AKR1C3: variants seen among roughly 807,000 people sequenced by gnomAD.
AKR1C3 encodes aldo-keto reductase family 1 member C3, also known as 3-alpha hydroxysteroid dehydrogenase, type II.
A neutral mutation model predicts 43.6 loss-of-function variants in AKR1C3; 48 were observed. That is an observed-to-expected ratio of 1.10 (90% CI 0.87 to 1.40). The LOEUF is 1.40. Ranked by LOEUF, AKR1C3 falls within the 40% of genes most tolerant of loss-of-function variation. AKR1C3 has a pLI of 0.00. For missense variants in AKR1C3, 482 were observed against 391.2 expected (o/e 1.23, Z -1.96); for synonymous variants, 162 against 139.6 (o/e 1.16, Z -1.13).
chr10:5,070,365 C>G (rs1479889129), intron 1 of AKR1C3, among the ~76,000 whole-genome samples: 2 of 152,040 alleles, frequency 1.3e-5, no homozygotes, highest in Non-Finnish European at 2.9e-5. Flanking sequence ...AATGAAGCAA[C>G]AAAAGTAGAT....
intron 1 of AKR1C3, among the ~76,000 whole-genome samples, chr10:5,083,161 G>T (rs1452436477): frequency 2.0e-5 from 3 of 151,830 alleles, no homozygotes; most frequent in African/African-American, 7.3e-5. Context: ...GTGCCATGTT[G>T]GTGTGCTGCA....
intron 1 of AKR1C3, among the ~76,000 whole-genome samples, chr10:5,066,000 GC>G (rs1838493238): frequency 6.6e-6 from 1 of 152,142 alleles, no homozygotes; most frequent in African/African-American, 2.4e-5. Context: ...CTCCTTGATG[GC>G]CAGGGGTGGT....
intron 1 of AKR1C3, among the ~76,000 whole-genome samples, chr10:5,062,391 G>C (rs1838399212): frequency 6.6e-6 from 1 of 152,102 alleles, no homozygotes; most frequent in African/African-American, 2.4e-5. Context: ...TTCCCTTGAT[G>C]GTCTCTGGCT....
In AKR1C3 at chr10:5,097,579, C is replaced by A. The variant is rs782557661; in HGVS notation, c.369+29C>A. 8 of 1,612,006 alleles carry A rather than the reference C, an allele frequency of 5.0e-6. No individual in the cohort carries two copies. The East Asian group carries it at 1.6e-4, about 31-fold the overall frequency. On this transcript the variant is annotated intron_variant, in intron 3 of 8. Transcript: ENST00000380554. Reference sequence around the variant, plus strand: ...TGCAGTTTGTATGAGCATAAAATTGCGCTTCTGCTGTCATTATAAACATTG... The same window carrying A: ...TGCAGTTTGTATGAGCATAAAATTGAGCTTCTGCTGTCATTATAAACATTG...
chr10:5,067,053 TTTG>T (rs1838521196), intron 1 of AKR1C3, among the ~76,000 whole-genome samples: 1 of 152,232 alleles, frequency 6.6e-6, no homozygotes, highest in African/African-American at 2.4e-5. Flanking sequence ...TGTTTGTTTG[TTTG>T]TTTTTGAATG....
intron 3 of AKR1C3, chr10:5,097,878 GT>G (rs1286473564): frequency 4.5e-6 from 5 of 1,118,840 alleles, no homozygotes; most frequent in Non-Finnish European, 5.5e-6. Context: ...GTTTCATGCA[GT>G]TGTGGTGCCC....
chr10:5,072,130 C>G (rs1349074761), intron 1 of AKR1C3, among the ~76,000 whole-genome samples: 2 of 152,128 alleles, frequency 1.3e-5, no homozygotes, highest in Non-Finnish European at 2.9e-5. Context: ...TGACACTTAT[C>G]TCTGGGTTCT....
chr10:5,100,014 C>T (rs11252938), intron 5 of AKR1C3: 31,710 of 153,420 alleles, frequency 0.21, 4,159 homozygotes, highest in East Asian at 0.63. Context: ...AAAATTAGGC[C>T]GGGTGCAGTG....
intron 3 of AKR1C3, chr10:5,098,105 T>C (rs1200835571): frequency 1.0e-6 from 1 of 986,756 alleles, no homozygotes; most frequent in African/African-American, 1.7e-5. Flanking sequence ...TAACTTTTGA[T>C]TTAAAGTTAC....
chr10:5,060,782 A>C (rs111321306), intron 1 of AKR1C3, among the ~76,000 whole-genome samples: 47,604 of 151,880 alleles, frequency 0.31, 7,601 homozygotes, highest in East Asian at 0.41. Flanking sequence ...GAGCCCACAG[A>C]GGTGGGGAGG....
chr10:5,054,250 G>A (rs868957223), intron 1 of AKR1C3, among the ~76,000 whole-genome samples: 2 of 152,206 alleles, frequency 1.3e-5, no homozygotes, highest in Admixed American at 6.5e-5. Context: ...AATAGATTTC[G>A]TTATTTCTTG....
At position 5,078,328 on chromosome 10, in the gene AKR1C3, C is replaced by T. The variant is rs551094770; in HGVS notation, c.85-18082C>T. Among the ~76,000 whole-genome samples the T allele has an allele frequency of 6.2e-4, 94 of 152,162 alleles. No homozygotes were observed. In the South Asian group the frequency reaches 0.018, roughly 30 times the overall value. On this transcript the variant is annotated intron_variant, in intron 1 of 8. Coordinates refer to the AKR1C3 transcript ENST00000439082. ...TATGGTGGCATGTGCCTGTAGTCCC[C>T]GCTACTCGGGAGGCTGAGGCAGGTA... is the stretch of plus-strand genomic sequence containing the variant.
intron 1 of AKR1C3, among the ~76,000 whole-genome samples, chr10:5,061,782 C>A (rs1838389107): frequency 6.6e-6 from 1 of 151,992 alleles, no homozygotes; most frequent in Non-Finnish European, 1.5e-5. Flanking sequence ...TTCTTAGATT[C>A]CAGAAATATA....
At chr10:5,049,469 T>C (rs1219602406) in intron 1 of AKR1C3, among the ~76,000 whole-genome samples, 14 of 152,224 alleles carry the variant, frequency 9.2e-5, no homozygotes, top group Admixed American at 2.0e-4. Context: ...AATATCCTCA[T>C]TTTAAGAGAA....
chr10:5,105,306 TGA>T, intron 7 of AKR1C3: 4 of 79,746 alleles, frequency 5.0e-5, no homozygotes, highest in African/African-American at 1.9e-4. Context: ...GGGCACAATG[TGA>T]CCCTATCATG....
intron 1 of AKR1C3, among the ~76,000 whole-genome samples, chr10:5,069,068 G>A (rs1189251143): frequency 1.3e-5 from 2 of 151,964 alleles, no homozygotes; most frequent in Admixed American, 1.3e-4. Context: ...TCACTTTTCT[G>A]ACAAAATATT....
rs145075384 is a variant in AKR1C3 at position 5,096,500 on chromosome 10, G to T, written c.175G>T (p.Glu59Ter). The T allele has an allele frequency of 1.2e-6, 2 of 1,613,868 alleles. No homozygotes were observed. Among genetic ancestry groups the T allele is most frequent in the East Asian group, 4.5e-5 (2 of 44,878 alleles). The change falls in exon 2 of 9, where the codon GAG becomes TAG. Residue 59 changes from glutamate (E) to a stop codon, truncating the protein, a stop_gained. Coordinates refer to ENST00000380554, the MANE Select transcript of AKR1C3 (RefSeq NM_003739.6). LOFTEE classifies it high-confidence loss of function. ...IDSAHLYNNE[E>*]QVGLAIRSKI... ...TTCTGCTCATTTATACAATAATGAGGAGCAGGTTGGACTGGCCATCCGAAG... is the reference window on the plus strand; with the variant it reads ...TTCTGCTCATTTATACAATAATGAGTAGCAGGTTGGACTGGCCATCCGAAG...
At chr10:5,086,231 C>T (rs1292631087) in intron 1 of AKR1C3, among the ~76,000 whole-genome samples, 1 of 151,680 alleles carries the variant, frequency 6.6e-6, no homozygotes, top group Admixed American at 6.6e-5. Flanking sequence ...AAATTTCCCT[C>T]TACACATTGC....
intron 1 of AKR1C3, among the ~76,000 whole-genome samples, chr10:5,065,240 A>C (rs1276687453): frequency 1.3e-5 from 2 of 152,218 alleles, no homozygotes; most frequent in Admixed American, 1.3e-4. Context: ...TCAACCGAGC[A>C]ATCCCATTAT....
Sources: allele counts gnomAD v4.1 joint callset (sites outside exome capture counted in the v4.1 genomes callset), GRCh38; gene constraint gnomAD v4.1.1; transcripts MANE v1.5; gene names NCBI Gene and HGNC (gene_info 2026-07-23, HGNC 2026-07-21).